The following KIRREL3 variants were observed in gnomAD, a reference collection of about 807,000 sequenced individuals.
KIRREL3 encodes the protein kirre like nephrin family adhesion molecule 3, also known as kin of IRRE-like protein 3.
KIRREL3 carries 36 observed loss-of-function variants against 89.7 expected under a neutral mutation model. That is an observed-to-expected ratio of 0.40 (90% confidence interval 0.31 to 0.53). The LOEUF is 0.53. Ranked by LOEUF, KIRREL3 falls within the 20% of genes least tolerant of loss-of-function variation. KIRREL3 has a pLI of 0.49. For missense variants in KIRREL3, 864 were observed against 1,056.6 expected, an observed-to-expected ratio of 0.82 and a Z score of 2.53; for synonymous variants, 445 against 441.4, an observed-to-expected ratio of 1.01 and a Z score of -0.10.
At chr11:126,518,816 C>T (rs539832398) in intron 4 of KIRREL3, among the ~76,000 whole-genome samples, 4 of 152,256 alleles carry the variant, frequency 2.6e-5, no homozygotes, top group Admixed American at 6.5e-5. Context: ...AGGTGGGGTG[C>T]TATACCCCAG....
At chr11:126,598,908 C>G (rs1942518712) in intron 1 of KIRREL3, among the ~76,000 whole-genome samples, 1 of 152,250 alleles carries the variant, frequency 6.6e-6, no homozygotes, top group Non-Finnish European at 1.5e-5. Context: ...CAACCCCAGT[C>G]TGAAGATCAC....
chr11:126,724,421 C>T lies in KIRREL3; in HGVS notation c.56-161509G>A, dbSNP rs1248755844. ...GCTTGTATCTCTTATGGACAAGATG[C>T]AGAGTGAGTGAGCCAGCAGATGGAC... On this transcript the variant is annotated intron_variant, in intron 1 of 16. Coordinates refer to ENST00000525144, the MANE Select transcript of KIRREL3 (RefSeq NM_032531.4). The surrounding 1 kb of genome is among the most constrained non-coding windows in gnomAD (Gnocchi z 4.3). Among the ~76,000 whole-genome samples, 2 of 152,138 alleles carry T rather than the reference C, an allele frequency of 1.3e-5. No individual in the cohort carries two copies. The highest frequency in any genetic ancestry group is 2.4e-5 in the African/African-American group (1 of 41,420).
rs1944613517 is a variant in KIRREL3 at position 126,645,070 on chromosome 11, G to A, written c.56-82158C>T. Reference sequence around the variant, plus strand: ...GGAGCATTTCAGTCAATGGGAGAGTGGATAAATGAGCAGAGGTGAAGTGAA... The same window carrying A: ...GGAGCATTTCAGTCAATGGGAGAGTAGATAAATGAGCAGAGGTGAAGTGAA... On this transcript the variant is annotated intron_variant, in intron 1 of 16. Coordinates refer to ENST00000525144, the MANE Select transcript of KIRREL3 (RefSeq NM_032531.4). This position sits in a 1 kb window ranked among gnomAD's most constrained non-coding sequence, Gnocchi z 4.9. 6.6e-6 allele frequency among the ~76,000 whole-genome samples: 1 copy of A among 152,060 alleles called. No individual in the cohort carries two copies. The highest frequency in any genetic ancestry group is 2.1e-4 in the South Asian group (1 of 4,808).
At chr11:126,929,948 AC>A (rs35235576) in intron 1 of KIRREL3, among the ~76,000 whole-genome samples, 27,269 of 143,574 alleles carry the variant, frequency 0.19, 2,390 homozygotes, top group Middle Eastern at 0.23. Context: ...TGGGGGAGCC[AC>A]CCCCCCCCCC....
Position 126,896,682 on chromosome 11 carries a change from C to T in KIRREL3, c.55+103773G>A, listed in dbSNP as rs1381747778. Among the ~76,000 whole-genome samples the T allele has an allele frequency of 6.6e-6, 1 of 152,114 alleles. No homozygotes were observed. The highest frequency in any genetic ancestry group is 1.5e-5 in the Non-Finnish European group (1 of 68,020). On this transcript the variant is annotated intron_variant, in intron 1 of 16. Transcript: ENST00000525144. This position sits in a 1 kb window ranked among gnomAD's most constrained non-coding sequence, Gnocchi z 4.1. Reference sequence around the variant, plus strand: ...CTGGGACTTTAATTCTTTTGAGGGCCGTTGCTCTTCTCAGACACCCAGGGG... The same window carrying T: ...CTGGGACTTTAATTCTTTTGAGGGCTGTTGCTCTTCTCAGACACCCAGGGG...
chr11:126,457,104 A>G (rs1956368867), intron 6 of KIRREL3, among the ~76,000 whole-genome samples: 1 of 152,188 alleles, frequency 6.6e-6, no homozygotes, highest in African/African-American at 2.4e-5. Context: ...AGACACACAG[A>G]GACACACAGA....
chr11:126,941,520 C>A (rs891357565), intron 1 of KIRREL3, among the ~76,000 whole-genome samples: 3 of 152,190 alleles, frequency 2.0e-5, no homozygotes, highest in African/African-American at 7.2e-5. Flanking sequence ...AGGCAGCCAG[C>A]CTCGCATGGT....
In KIRREL3 at chr11:126,693,607, CCACA is replaced by C. The variant is rs34918602; in HGVS notation, c.56-130699_56-130696del. Among the ~76,000 whole-genome samples the C allele has an allele frequency of 2.7e-3, 401 of 149,984 alleles. 3 individuals are homozygous for C. Among genetic ancestry groups the C allele is most frequent in the African/African-American group, 8.9e-3 (366 of 40,898 alleles). On this transcript the variant is annotated intron_variant, in intron 1 of 16. Coordinates refer to ENST00000525144, the MANE Select transcript of KIRREL3 (RefSeq NM_032531.4). ...TGCACATGCATGTGAGTGCCTGTGA[CCACA>C]CACACACACACACACACACACCCAT...
intron 1 of KIRREL3, among the ~76,000 whole-genome samples, chr11:126,869,062 T>C (rs921380613): frequency 1.3e-5 from 2 of 151,980 alleles, no homozygotes; most frequent in Admixed American, 6.5e-5. Flanking sequence ...GGTTTCAACA[T>C]ATGAATTTTG....
At position 126,635,721 on chromosome 11, in the gene KIRREL3, T is replaced by C. The variant is rs1024720846; in HGVS notation, c.56-72809A>G. Among the ~76,000 whole-genome samples the C allele has an allele frequency of 5.3e-5, 8 of 152,152 alleles. No homozygotes were observed. Among genetic ancestry groups the C allele is most frequent in the Non-Finnish European group, 7.4e-5 (5 of 68,020 alleles). ...AGCTCTTGAGGCCTCAGCTTCCTTA[T>C]CTGTAAAATGTGGCTGGGAATACCT... On this transcript the variant is annotated intron_variant, in intron 1 of 16. Coordinates refer to ENST00000525144, the MANE Select transcript of KIRREL3 (RefSeq NM_032531.4). This position sits in a 1 kb window ranked among gnomAD's most constrained non-coding sequence, Gnocchi z 4.0.
intron 7 of KIRREL3, among the ~76,000 whole-genome samples, chr11:126,450,968 T>C (rs1323108158): frequency 1.3e-5 from 2 of 150,352 alleles, no homozygotes; most frequent in Middle Eastern, 3.6e-3. Flanking sequence ...AGCGTGTGCA[T>C]GCATGGGTGT....
chr11:126,544,471 G>T lies in KIRREL3; in HGVS notation c.134-17784C>A, dbSNP rs552858369. ...TCTCTTTGTTTTGCAGAGTTGGCTGGCAGACTGCTTCCTTCCCTTGATTTA... is the reference window on the plus strand; with the variant it reads ...TCTCTTTGTTTTGCAGAGTTGGCTGTCAGACTGCTTCCTTCCCTTGATTTA... On this transcript the variant is annotated intron_variant, in intron 2 of 16. Coordinates refer to ENST00000525144, the MANE Select transcript of KIRREL3 (RefSeq NM_032531.4). The surrounding 1 kb of genome is among the most constrained non-coding windows in gnomAD (Gnocchi z 5.6). Among the ~76,000 whole-genome samples, 3 of 152,266 alleles carry T rather than the reference G, an allele frequency of 2.0e-5. No homozygotes were observed. In the East Asian group the frequency reaches 5.8e-4, roughly 29 times the overall value.
rs1945142323 is a variant in KIRREL3 at position 126,656,474 on chromosome 11, A to C, written c.56-93562T>G. Among the ~76,000 whole-genome samples the C allele has an allele frequency of 6.6e-6, 1 of 152,220 alleles. No homozygotes were observed. The highest frequency in any genetic ancestry group is 1.5e-5 in the Non-Finnish European group (1 of 68,040). On this transcript the variant is annotated intron_variant, in intron 1 of 16. Coordinates refer to ENST00000525144, the MANE Select transcript of KIRREL3 (RefSeq NM_032531.4). This position sits in a 1 kb window ranked among gnomAD's most constrained non-coding sequence, Gnocchi z 4.0. ...TTCACCTTAAGTAGATTTTTATAAA[A>C]TGAGACTTCACGTGGAATCTCAACA...
chr11:126,440,922 C>CA lies in KIRREL3; in HGVS notation c.1253-374dup, dbSNP rs553323090. On this transcript the variant is annotated intron_variant, in intron 10 of 16. Transcript: ENST00000525144. ...CTTTAGGGAGGAGGTGGTAAGCCTG[C>CA]AGAGGGGGTGGGGAGGTGTCTAGAT... The CA allele has an allele frequency of 2.3e-4, 67 of 289,386 alleles. 1 individual carries two copies. The South Asian group carries it at 2.4e-3, about 11-fold the overall frequency. 17.9% of individuals were successfully genotyped at this position (289,386 alleles called of 1,614,324 possible). A position where few individuals can be genotyped will look rare whatever the true frequency, so the allele number is the denominator to read the frequency against.
At chr11:126,514,874 C>CAACACAACACAACAA (rs869201367) in intron 4 of KIRREL3, among the ~76,000 whole-genome samples, 260 of 139,264 alleles carry the variant, frequency 1.9e-3, no homozygotes, top group African/African-American at 8.0e-3. Flanking sequence ...CAACAAAACA[C>CAACACAACACAACAA]AATTGTCATC....
At position 126,883,320 on chromosome 11, in the gene KIRREL3, CA is replaced by C. The variant is rs1945576572; in HGVS notation, c.55+117134del. Among the ~76,000 whole-genome samples the C allele has an allele frequency of 6.6e-6, 1 of 152,132 alleles. No individual in the cohort carries two copies. The highest frequency in any genetic ancestry group is 1.5e-5 in the Non-Finnish European group (1 of 68,028). ...TGGTAGGAGAGAGATCTTCAAGCAG[CA>C]CAGCAGTTAAAGAACTTTATAGCCT... On this transcript the variant is annotated intron_variant, in intron 1 of 16. Coordinates refer to ENST00000525144, the MANE Select transcript of KIRREL3 (RefSeq NM_032531.4). The surrounding 1 kb of genome is among the most constrained non-coding windows in gnomAD (Gnocchi z 4.1).
chr11:126,533,953 G>A (rs1014364623), intron 2 of KIRREL3, among the ~76,000 whole-genome samples: 19 of 152,210 alleles, frequency 1.2e-4, no homozygotes, highest in African/African-American at 4.3e-4. Context: ...CATAGGGCTG[G>A]GCGACGGGAA....
Position 126,996,756 on chromosome 11 carries a change from G to A in KIRREL3, c.55+3699C>T, listed in dbSNP as rs373069708. ...CCAGTAGGGAGATGGTACCTCAAAT[G>A]CATCCTTAGCTCAGGGATGCCATTA... On this transcript the variant is annotated intron_variant, in intron 1 of 16. Transcript: ENST00000525144. This position sits in a 1 kb window ranked among gnomAD's most constrained non-coding sequence, Gnocchi z 4.7. 6.6e-6 allele frequency among the ~76,000 whole-genome samples: 1 copy of A among 152,266 alleles called. No homozygotes were observed. The highest frequency in any genetic ancestry group is 1.5e-5 in the Non-Finnish European group (1 of 68,022).
intron 1 of KIRREL3, among the ~76,000 whole-genome samples, chr11:126,832,838 G>A (rs2134493614): frequency 6.6e-6 from 1 of 152,282 alleles, no homozygotes; most frequent in Non-Finnish European, 1.5e-5. Flanking sequence ...ATCTAACAGT[G>A]TTTGTTTCGT....
Sources: gnomAD v4.1 joint callset for allele counts (sites outside exome capture counted in the v4.1 genomes callset) on GRCh38, gnomAD v4.1.1 for gene constraint, Gnocchi (gnomAD v3.1) non-coding constraint, MANE v1.5 for transcripts, NCBI Gene and HGNC (gene_info 2026-07-23, HGNC 2026-07-21) for gene names.